TM9SF2: variants seen among roughly 807,000 people sequenced by gnomAD.
TM9SF2 encodes the protein 76 kDa membrane protein.
A neutral mutation model predicts 84.9 loss-of-function variants in TM9SF2; 13 were observed. The ratio of observed to expected loss-of-function variants is 0.15; its 90% CI spans 0.10 to 0.24. TM9SF2 has a LOEUF of 0.24. TM9SF2 is among the 10% of genes least tolerant of loss of function. The pLI is 1.00. For missense variants in TM9SF2, 562 were observed against 818.5 expected (o/e 0.69, Z 3.82); for synonymous variants, 273 against 285.8 (o/e 0.96, Z 0.45).
At chr13:99,526,933 G>A (rs779454459) in intron 3 of TM9SF2, among the ~76,000 whole-genome samples, 1 of 152,030 alleles carries the variant, frequency 6.6e-6, no homozygotes. Context: ...CTGGCCCAGC[G>A]CTGGGGCCTA....
intron 9 of TM9SF2, among the ~76,000 whole-genome samples, chr13:99,542,679 AT>A (rs1346906735): frequency 3.9e-5 from 6 of 152,116 alleles, no homozygotes; most frequent in African/African-American, 1.4e-4. Context: ...TTTGTACTCT[AT>A]AGTCTCTTTC....
intron 15 of TM9SF2, among the ~76,000 whole-genome samples, chr13:99,556,936 A>G (rs551150184): frequency 2.6e-5 from 4 of 152,286 alleles, no homozygotes; most frequent in African/African-American, 9.6e-5. Flanking sequence ...CCATTTATCC[A>G]TTGGTGGGCA....
At chr13:99,507,497 TC>T (rs1812756521) in intron 1 of TM9SF2, among the ~76,000 whole-genome samples, 1 of 152,208 alleles carries the variant, frequency 6.6e-6, no homozygotes, top group South Asian at 2.1e-4. Flanking sequence ...TTTACTTCTT[TC>T]GTTGATATAG....
intron 1 of TM9SF2, among the ~76,000 whole-genome samples, chr13:99,515,892 C>T (rs896491835): frequency 1.2e-4 from 18 of 151,948 alleles, no homozygotes; most frequent in Admixed American, 8.5e-4. Context: ...GCCAATACAC[C>T]CGGCTAATTT....
intron 1 of TM9SF2, among the ~76,000 whole-genome samples, chr13:99,502,981 T>C (rs1392905651): frequency 6.6e-6 from 1 of 152,230 alleles, no homozygotes; most frequent in Non-Finnish European, 1.5e-5. Context: ...GTGCAAAACC[T>C]TGTATCTGAA....
At chr13:99,529,044 G>A (rs2046196487) in intron 3 of TM9SF2, among the ~76,000 whole-genome samples, 1 of 152,136 alleles carries the variant, frequency 6.6e-6, no homozygotes, top group African/African-American at 2.4e-5. Flanking sequence ...CTTAAGGAGG[G>A]CACTTAACAT....
rs2046066442 is a variant in TM9SF2, at chr13:99,501,709, G to T, written c.103G>T (p.Ala35Ser). 2 of 1,611,820 alleles carry T rather than the reference G, an allele frequency of 1.2e-6. No homozygotes were observed. The highest frequency in any genetic ancestry group is 1.3e-5 in the African/African-American group (1 of 74,856). ...GGTTCCTGGCCCGCGCCGGAGCGGC[G>T]CTTTCTACCTGCCCGGCCTGGCGCC... is the stretch of plus-strand genomic sequence containing the variant. ...GAVPGPRRSG[A>S]FYLPGLAPVN... The change falls in exon 1 of 17, where the codon GCT becomes TCT. Residue 35 changes from alanine (A) to serine (S), a missense_variant. Ala to Ser is a moderately conservative substitution (Grantham distance 99, BLOSUM62 1). Transcript: ENST00000376387.
At chr13:99,562,670 T>TGAAAC in intron 16 of TM9SF2, 21 bp from the exon 17 acceptor site, 1 of 1,608,732 alleles carries the variant, frequency 6.2e-7, no homozygotes, top group Non-Finnish European at 8.5e-7. Flanking sequence ...AAGGGGTTTA[T>TGAAAC]TTTTATTTTT....
intron 3 of TM9SF2, among the ~76,000 whole-genome samples, chr13:99,526,471 A>G (rs2046184060): frequency 6.6e-6 from 1 of 152,194 alleles, no homozygotes. Context: ...CAAAAGGAGT[A>G]AGAGACAGTG....
chr13:99,524,686 C>G (rs573133870), intron 3 of TM9SF2, among the ~76,000 whole-genome samples: 8 of 151,760 alleles, frequency 5.3e-5, no homozygotes, highest in African/African-American at 1.7e-4. Context: ...CAGGACTCTC[C>G]CCATCCTCCT....
intron 1 of TM9SF2, among the ~76,000 whole-genome samples, chr13:99,502,151 G>T (rs1318089132): frequency 6.6e-6 from 1 of 152,212 alleles, no homozygotes; most frequent in Non-Finnish European, 1.5e-5. Flanking sequence ...TCACAGCCCT[G>T]TAACATGTAC....
intron 3 of TM9SF2, 42 bp from the exon 4 acceptor site, chr13:99,529,425 G>T (rs769014645): frequency 3.4e-6 from 5 of 1,458,574 alleles, no homozygotes; most frequent in Non-Finnish European, 2.7e-6. Flanking sequence ...GAAAAACCTG[G>T]ATATTTTTTC....
At chr13:99,527,974 G>A (rs2046191540) in intron 3 of TM9SF2, among the ~76,000 whole-genome samples, 1 of 152,152 alleles carries the variant, frequency 6.6e-6, no homozygotes, top group East Asian at 1.9e-4. Context: ...TTGATATTTT[G>A]ATTTTCAGAA....
intron 1 of TM9SF2, among the ~76,000 whole-genome samples, chr13:99,509,606 G>T (rs1476748882): frequency 6.6e-6 from 1 of 152,240 alleles, no homozygotes; most frequent in African/African-American, 2.4e-5. Flanking sequence ...GCTGGAGCTG[G>T]AGTGGCCTGA....
intron 13 of TM9SF2, 23 bp from the exon 14 acceptor site, chr13:99,554,281 C>T (rs1214823557): frequency 6.3e-7 from 1 of 1,598,102 alleles, no homozygotes; most frequent in East Asian, 2.3e-5. Flanking sequence ...ATTATGAATT[C>T]TTCCTTCCTT....
chr13:99,528,925 G>A (rs1331365415), intron 3 of TM9SF2, among the ~76,000 whole-genome samples: 2 of 152,142 alleles, frequency 1.3e-5, no homozygotes, highest in African/African-American at 2.4e-5. Context: ...AATTATGGCT[G>A]GTTGTATAGC....
chr13:99,539,748 A>G (rs2046250309), intron 7 of TM9SF2, among the ~76,000 whole-genome samples, 191 bp downstream of exon 7: 1 of 152,332 alleles, frequency 6.6e-6, no homozygotes, highest in South Asian at 2.1e-4. Flanking sequence ...AAATGAGAAT[A>G]TAGAGGAAGT....
chr13:99,541,217 T>C (rs185837401), intron 8 of TM9SF2, among the ~76,000 whole-genome samples: 5 of 152,384 alleles, frequency 3.3e-5, no homozygotes, highest in African/African-American at 1.2e-4. Context: ...ACTAATTTAC[T>C]GAGTAAAGTT....
chr13:99,560,915 T>G (rs1374990097), intron 16 of TM9SF2, among the ~76,000 whole-genome samples: 1 of 152,122 alleles, frequency 6.6e-6, no homozygotes, highest in Non-Finnish European at 1.5e-5. Flanking sequence ...ACCCCTGACC[T>G]CAGACGATCT....
Sources: allele counts gnomAD v4.1 joint callset (sites outside exome capture counted in the v4.1 genomes callset), GRCh38; gene constraint gnomAD v4.1.1; transcripts MANE v1.5; gene names NCBI Gene and HGNC (gene_info 2026-07-23, HGNC 2026-07-21).